The following ZNF680 variants were observed in gnomAD, a reference collection of about 807,000 sequenced individuals.
ZNF680 encodes hypothetical protein FLJ90430.
In ZNF680, 6 loss-of-function variants were observed where a neutral mutation model predicts 12.1. The ratio of observed to expected loss-of-function variants is 0.49; its 90% CI spans 0.27 to 0.98. The LOEUF is 0.98. Among genes scored for constraint, ZNF680 ranks in the 50% least tolerant of loss-of-function variants. The pLI, the probability that ZNF680 is intolerant of heterozygous loss-of-function variation, is 0.12. For synonymous variants in ZNF680, 170 were observed against 199.3 expected, an observed-to-expected ratio of 0.85 and a Z score of 1.24; for missense variants, 561 against 616.3, an observed-to-expected ratio of 0.91 and a Z score of 0.95.
chr7:64,510,916 AAAAAATAAAAAAT>A, the ZNF680 span, among the ~76,000 whole-genome samples: 2 of 79,792 alleles, frequency 2.5e-5, no homozygotes, highest in African/African-American at 9.7e-5. Flanking sequence ...TCTCAAAAAA[AAAAAATAAAAAAT>A]AAAAAATAAA....
At chr7:64,512,020 T>C in the ZNF680 span, among the ~76,000 whole-genome samples, 112 of 151,256 alleles carry the variant, frequency 7.4e-4, no homozygotes, top group African/African-American at 2.5e-3. Context: ...GATCGTGCCA[T>C]TGCACTTCAG....
chr7:64,532,411 T>C (rs1172302461), intron 3 of ZNF680, among the ~76,000 whole-genome samples: 1 of 151,988 alleles, frequency 6.6e-6, no homozygotes, highest in Non-Finnish European at 1.5e-5. Flanking sequence ...CATTCAAGGC[T>C]ACGATGAATA....
chr7:64,513,140 T>C, the ZNF680 span, among the ~76,000 whole-genome samples: 1 of 152,112 alleles, frequency 6.6e-6, no homozygotes, highest in African/African-American at 2.4e-5. Flanking sequence ...ACCTAGAACA[T>C]AACTAAAACA....
At chr7:64,508,141 A>ATATATATG in the ZNF680 span, among the ~76,000 whole-genome samples, 3 of 133,072 alleles carry the variant, frequency 2.3e-5, no homozygotes, top group Admixed American at 7.6e-5. Context: ...ATATATATAT[A>ATATATATG]TACATAATTT....
In ZNF680 at chr7:64,563,055, CCGCAGCAGCTAGAGA is replaced by C. The variant is rs1787836787; in HGVS notation, c.-116_-102del. 3 of 1,415,184 alleles carry C rather than the reference CCGCAGCAGCTAGAGA, an allele frequency of 2.1e-6. No individual in the cohort carries two copies. In the South Asian group the frequency reaches 3.5e-5, roughly 16 times the overall value. 87.7% of individuals were successfully genotyped at this position (1,415,184 alleles called of 1,614,324 possible). Reference sequence around the variant, plus strand: ...GCAGTAAAGACTAGACCTGGAGCTCCCGCAGCAGCTAGAGACAAAGGCCCCGCCAAATCCCGGAAG... The same window carrying C: ...GCAGTAAAGACTAGACCTGGAGCTCCCAAAGGCCCCGCCAAATCCCGGAAG... On this transcript the variant is annotated 5_prime_UTR_variant, in exon 1 of 4. Transcript: ENST00000309683.
At chr7:64,501,963 CTCT>C in the ZNF680 span, among the ~76,000 whole-genome samples, 1 of 149,266 alleles carries the variant, frequency 6.7e-6, no homozygotes, top group Non-Finnish European at 1.5e-5. Context: ...ATTTTGAAAC[CTCT>C]TTATGACTTA....
the ZNF680 span, among the ~76,000 whole-genome samples, chr7:64,503,243 CTAA>C: frequency 2.7e-5 from 4 of 148,340 alleles, no homozygotes; most frequent in Admixed American, 6.8e-5. Flanking sequence ...GACTTAGTCT[CTAA>C]TGAGCTTATA....
intron 1 of ZNF680, among the ~76,000 whole-genome samples, chr7:64,562,231 CAAA>C (rs534069066): frequency 2.2e-5 from 2 of 92,546 alleles, no homozygotes; most frequent in Non-Finnish European, 2.1e-5. Context: ...GACTCCGTTT[CAAA>C]AAAAAAAAAA....
rs373213421 is a variant in ZNF680, at chr7:64,522,095, T to C, written c.659A>G (p.Asn220Ser). 5 of 1,611,842 alleles carry C rather than the reference T, an allele frequency of 3.1e-6. No homozygotes were observed. Among genetic ancestry groups the C allele is most frequent in the Non-Finnish European group, 4.2e-6 (5 of 1,179,016 alleles). The change falls in exon 4 of 4, where the codon AAC (asparagine) becomes AGC (serine). Residue 220 changes from asparagine (N) to serine (S), a missense_variant. Asn to Ser is a conservative substitution (Grantham distance 46). Transcript: ENST00000309683. The stretch of plus-strand genomic sequence containing the variant: ...ATGTTTAATAAGCTCTGAGAACCAG[T>C]TAAGAACTTTGCCACATTCCTCACA... ...YKCEECGKVLNWFSELIKHKG... is the reference protein window; with the variant it reads ...YKCEECGKVLSWFSELIKHKG...
chr7:64,536,401 GGC>G (rs1430055466), intron 3 of ZNF680, among the ~76,000 whole-genome samples: 2 of 152,160 alleles, frequency 1.3e-5, no homozygotes, highest in Non-Finnish European at 2.9e-5. Flanking sequence ...CATGATGGAA[GGC>G]AAAGAGTAAC....
chr7:64,531,826 T>G (rs1388626157), intron 3 of ZNF680, among the ~76,000 whole-genome samples: 2 of 151,994 alleles, frequency 1.3e-5, no homozygotes, highest in Non-Finnish European at 2.9e-5. Context: ...CCTAAATGCC[T>G]ACATCAAAAA....
At chr7:64,526,410 C>A in intron 3 of ZNF680, 1 of 1,487,450 alleles carries the variant, frequency 6.7e-7, no homozygotes, top group Non-Finnish European at 9.0e-7. Context: ...TACATAGTAG[C>A]CTGGCAAAGT....
In ZNF680 at chr7:64,521,020, A is replaced by G. The variant is rs1227090309; in HGVS notation, c.*141T>C. 1.5e-5 allele frequency: 14 copies of G among 930,582 alleles called. No individual in the cohort carries two copies. The Admixed American group carries it at 2.1e-4, about 14-fold the overall frequency. The allele number at this position is 930,582 out of a possible 1,614,324, so 57.6% of individuals were successfully genotyped here. ...GTGAGTATTGGTTAAGTTTTGTCAC[A>G]TTCTTTACACTTATAAAGTTTTCTC... On this transcript the variant is annotated 3_prime_UTR_variant, in exon 4 of 4. Transcript: ENST00000309683.
intron 3 of ZNF680, chr7:64,526,159 A>C: frequency 5.5e-6 from 5 of 906,816 alleles, no homozygotes; most frequent in Non-Finnish European, 6.7e-6. Context: ...CATCAAGTAC[A>C]TCAATATATT....
At chr7:64,508,123 G>GTATGTGTATA in the ZNF680 span, among the ~76,000 whole-genome samples, 9 of 117,654 alleles carry the variant, frequency 7.6e-5, no homozygotes, top group African/African-American at 3.8e-4. Flanking sequence ...ATTTTAAAAT[G>GTATGTGTATA]TATATATATA....
chr7:64,543,158 A>G (rs1248493352), intron 3 of ZNF680, among the ~76,000 whole-genome samples: 1 of 152,226 alleles, frequency 6.6e-6, no homozygotes, highest in African/African-American at 2.4e-5. Context: ...CCTAAAATTT[A>G]TATGAAACTA....
chr7:64,561,319 A>C (rs2116577528), intron 1 of ZNF680: 1 of 152,750 alleles, frequency 6.5e-6, no homozygotes, highest in South Asian at 2.1e-4. Flanking sequence ...TAGGCACTCT[A>C]GCAGACATAG....
At chr7:64,558,652 C>T (rs1257134888) in intron 1 of ZNF680, among the ~76,000 whole-genome samples, 1 of 152,076 alleles carries the variant, frequency 6.6e-6, no homozygotes, top group Admixed American at 6.6e-5. Flanking sequence ...GAAGTTGTTA[C>T]TGTTTTGAGG....
At chr7:64,532,057 G>A (rs577160112) in intron 3 of ZNF680, among the ~76,000 whole-genome samples, 39 of 152,220 alleles carry the variant, frequency 2.6e-4, no homozygotes, top group Non-Finnish European at 3.4e-4. Context: ...TGTAATCCCA[G>A]TACTTTGGGA....
Sources: allele counts gnomAD v4.1 joint callset (sites outside exome capture counted in the v4.1 genomes callset), GRCh38; gene constraint gnomAD v4.1.1; transcripts MANE v1.5; gene names NCBI Gene and HGNC (gene_info 2026-07-23, HGNC 2026-07-21).